Variants in STAM observed in about 807,000 individuals in gnomAD.
STAM encodes the protein signal transducing adaptor molecule.
A neutral mutation model predicts 63.4 loss-of-function variants in STAM; 16 were observed. The ratio of observed to expected loss-of-function variants is 0.25; its 90% CI spans 0.17 to 0.38. The LOEUF is 0.38. Among genes scored for constraint, STAM ranks in the 10% least tolerant of loss-of-function variants. The pLI is 1.00. For missense variants in STAM, 636 were observed against 657.1 expected (o/e 0.97, Z 0.35); for synonymous variants, 238 against 223.9 (o/e 1.06, Z -0.56).
chr10:17,692,455 G>A (rs1056492374), intron 5 of STAM, among the ~76,000 whole-genome samples: 7 of 152,164 alleles, frequency 4.6e-5, no homozygotes, highest in Admixed American at 2.6e-4. Context: ...GTAAAGTACC[G>A]GTATAGAGAC....
Position 17,688,023 on chromosome 10 carries a change from A to G in STAM, c.298-4A>G. 1 of 1,563,182 alleles carries G rather than the reference A, an allele frequency of 6.4e-7. No individual in the cohort carries two copies. The highest frequency in any genetic ancestry group is 8.6e-7 in the Non-Finnish European group (1 of 1,160,218). On this transcript the variant is annotated splice_polypyrimidine_tract_variant and splice_region_variant and intron_variant, in intron 4 of 13. Transcript: ENST00000377524. ...GCTCTTTTATTTCTTTTTCTATTTT[A>G]CAGGGTCATCCTAAAGTATGTGAAA...
chr10:17,650,921 C>T (rs942666920), intron 1 of STAM, among the ~76,000 whole-genome samples: 1 of 151,734 alleles, frequency 6.6e-6, no homozygotes, highest in Non-Finnish European at 1.5e-5. Flanking sequence ...AAAAATTAGC[C>T]GGGCGTAGTG....
intron 1 of STAM, among the ~76,000 whole-genome samples, chr10:17,655,415 A>G (rs572090352): frequency 1.3e-5 from 2 of 152,290 alleles, no homozygotes; most frequent in African/African-American, 2.4e-5. Flanking sequence ...GTAGCTAGGT[A>G]GGTACCCTAC....
intron 13 of STAM, among the ~76,000 whole-genome samples, chr10:17,709,197 C>A (rs560796562): frequency 1.8e-3 from 271 of 152,300 alleles, no homozygotes; most frequent in African/African-American, 6.2e-3. Context: ...TAATACTACT[C>A]TAACCATAAG....
intron 13 of STAM, among the ~76,000 whole-genome samples, chr10:17,710,501 C>T (rs564965629): frequency 6.6e-6 from 1 of 152,338 alleles, no homozygotes; most frequent in South Asian, 2.1e-4. Context: ...TTAGCCCTCT[C>T]GTCCTGGCTC....
intron 13 of STAM, 116 bp downstream of exon 13, chr10:17,709,067 G>T (rs1023477083): frequency 7.9e-7 from 1 of 1,265,520 alleles, no homozygotes; most frequent in East Asian, 2.5e-5. Context: ...GCGTCATGCG[G>T]CCGCCCCATT....
intron 1 of STAM, among the ~76,000 whole-genome samples, chr10:17,654,404 A>T (rs1833859223): frequency 6.6e-6 from 1 of 151,870 alleles, no homozygotes; most frequent in South Asian, 2.1e-4. Context: ...TTGTATTTTT[A>T]GTAGAGATGG....
At chr10:17,677,216 TA>T (rs1554824750) in intron 2 of STAM, among the ~76,000 whole-genome samples, 1 of 152,162 alleles carries the variant, frequency 6.6e-6, no homozygotes, top group Non-Finnish European at 1.5e-5. Flanking sequence ...TAGGAATGTC[TA>T]AAATAAAAAG....
intron 12 of STAM, among the ~76,000 whole-genome samples, chr10:17,706,992 G>T (rs1411264769): frequency 6.6e-6 from 1 of 152,144 alleles, no homozygotes; most frequent in African/African-American, 2.4e-5. Flanking sequence ...AATTTTCCCT[G>T]CTTTACATGA....
chr10:17,657,504 G>C (rs1833987934), intron 1 of STAM, among the ~76,000 whole-genome samples: 1 of 152,126 alleles, frequency 6.6e-6, no homozygotes, highest in African/African-American at 2.4e-5. Context: ...TATCTCCTCT[G>C]CTTCTATATA....
rs76404046 is a variant in STAM, at chr10:17,712,483, C to T, written c.1386-2060C>T. ...TTGGAGAAATGTAGCATTAAATTAC[C>T]GTCTCTTATAATAAATTACCATCAA... is the stretch of plus-strand genomic sequence containing the variant. On this transcript the variant is annotated intron_variant, in intron 13 of 13. Coordinates refer to ENST00000377524, the MANE Select transcript of STAM (RefSeq NM_003473.4). Among the ~76,000 whole-genome samples the T allele has an allele frequency of 6.9e-3, 1,056 of 152,242 alleles. 5 individuals carry two copies. The highest frequency in any genetic ancestry group is 0.012 in the Non-Finnish European group (827 of 68,018).
chr10:17,673,069 C>T, intron 2 of STAM: 3 of 984,380 alleles, frequency 3.0e-6, no homozygotes, highest in Non-Finnish European at 3.6e-6. Flanking sequence ...TTTGCCCACC[C>T]TTTAAACAGG....
At chr10:17,700,455 C>CT (rs1380353720) in intron 9 of STAM, among the ~76,000 whole-genome samples, 176 bp downstream of exon 9, 1 of 151,976 alleles carries the variant, frequency 6.6e-6, no homozygotes, top group East Asian at 1.9e-4. Context: ...CTCTCCAGTC[C>CT]TTTGTTTGCC....
chr10:17,664,426 C>A (rs1167128502), intron 2 of STAM, among the ~76,000 whole-genome samples: 1 of 152,118 alleles, frequency 6.6e-6, no homozygotes, highest in Non-Finnish European at 1.5e-5. Context: ...ACTCATCCCC[C>A]TTTCCTCCAG....
intron 4 of STAM, 47 bp from the exon 5 acceptor site, chr10:17,687,980 A>G (rs376914995): frequency 1.8e-5 from 26 of 1,483,996 alleles, no homozygotes; most frequent in Non-Finnish European, 2.3e-5. Context: ...GTATTAAATC[A>G]TTGGCTAGGA....
In STAM at chr10:17,708,073, G is replaced by T. The variant is rs183949424; in HGVS notation, c.1210-703G>T. Among the ~76,000 whole-genome samples the T allele has an allele frequency of 3.9e-5, 6 of 152,200 alleles. No individual in the cohort carries two copies. The East Asian group carries it at 9.7e-4, about 25-fold the overall frequency. Reference sequence around the variant, plus strand: ...GCCTGGCTAATTTTTTGTATTTTTAGTAGAGACGGGGTTTCACTGTGTTAG... The same window carrying T: ...GCCTGGCTAATTTTTTGTATTTTTATTAGAGACGGGGTTTCACTGTGTTAG... On this transcript the variant is annotated intron_variant, in intron 12 of 13. Transcript: ENST00000377524.
intron 1 of STAM, among the ~76,000 whole-genome samples, chr10:17,654,423 T>C (rs961986141): frequency 6.6e-6 from 1 of 151,942 alleles, no homozygotes; most frequent in Non-Finnish European, 1.5e-5. Flanking sequence ...GGGGTTTCAC[T>C]GTGTTAGCCA....
intron 8 of STAM, among the ~76,000 whole-genome samples, 200 bp downstream of exon 8, chr10:17,697,069 G>A (rs1350581896): frequency 2.0e-5 from 3 of 152,078 alleles, no homozygotes; most frequent in Admixed American, 6.5e-5. Context: ...ACAGGCACCC[G>A]CCGCCATGTC....
chr10:17,673,635 C>G (rs572144985), intron 2 of STAM, among the ~76,000 whole-genome samples: 1 of 152,230 alleles, frequency 6.6e-6, no homozygotes, highest in South Asian at 2.1e-4. Context: ...CTTCAGCAGC[C>G]CTCATGATGG....
Sources: allele counts gnomAD v4.1 joint callset (sites outside exome capture counted in the v4.1 genomes callset), GRCh38; gene constraint gnomAD v4.1.1; transcripts MANE v1.5; gene names NCBI Gene and HGNC (gene_info 2026-07-23, HGNC 2026-07-21).